EPB41L3: variants seen among roughly 807,000 people sequenced by gnomAD.
The protein encoded by EPB41L3 is erythrocyte membrane protein band 4.1 like 3.
In EPB41L3, 57 loss-of-function variants were observed where a neutral mutation model predicts 127.1. That is an observed-to-expected ratio of 0.45 (90% CI 0.36 to 0.56). The LOEUF is 0.56. Among genes scored for constraint, EPB41L3 ranks in the 20% least tolerant of loss-of-function variants. The probability of loss-of-function intolerance (pLI) is 0.00; values close to 1 mark genes in which losing one functional copy is unlikely to be tolerated. For synonymous variants in EPB41L3, 572 were observed against 549.5 expected (o/e 1.04, Z -0.57); for missense variants, 1,273 against 1,372.2 (o/e 0.93, Z 1.14).
chr18:5,399,227 G>A (rs2074096547), intron 16 of EPB41L3: 2 of 398,804 alleles, frequency 5.0e-6, no homozygotes, highest in Non-Finnish European at 4.4e-6. Flanking sequence ...CCAATTCTTC[G>A]AAGCTTTGCA....
At chr18:5,542,318 T>G (rs1568544951) in intron 1 of EPB41L3, among the ~76,000 whole-genome samples, 1 of 152,094 alleles carries the variant, frequency 6.6e-6, no homozygotes, top group Non-Finnish European at 1.5e-5. Context: ...CATTTTTGTT[T>G]CCTTGAGACT....
At chr18:5,541,692 T>A (rs1232231809) in intron 1 of EPB41L3, among the ~76,000 whole-genome samples, 1 of 152,220 alleles carries the variant, frequency 6.6e-6, no homozygotes, top group Non-Finnish European at 1.5e-5. Context: ...GTCCAAGCAG[T>A]GTACATGAAC....
chr18:5,487,602 G>A (rs1233796960), intron 2 of EPB41L3, among the ~76,000 whole-genome samples: 5 of 149,068 alleles, frequency 3.4e-5, no homozygotes, highest in East Asian at 4.0e-4. Flanking sequence ...AGTGATTCTC[G>A]TGCCTCAGCC....
intron 1 of EPB41L3, among the ~76,000 whole-genome samples, chr18:5,627,191 A>G (rs1003244924): frequency 6.6e-6 from 1 of 152,106 alleles, no homozygotes; most frequent in African/African-American, 2.4e-5. Flanking sequence ...CTTTGCTGAG[A>G]TCCCTTAACT....
rs1273443424 is a variant in EPB41L3 at position 5,543,007 on chromosome 18, G to A, written c.-12+906C>T. Among the ~76,000 whole-genome samples the A allele has an allele frequency of 6.6e-6, 1 of 152,148 alleles. No individual in the cohort carries two copies. Among genetic ancestry groups the A allele is most frequent in the Non-Finnish European group, 1.5e-5 (1 of 68,012 alleles). ...TAGCCTCCCCACCCCCACCGCGGCA[G>A]AGCCGCCTTCGCAGACACCTCCCGA... On this transcript the variant is annotated intron_variant, in intron 1 of 22. Transcript: ENST00000341928. The surrounding 1 kb of genome is among the most constrained non-coding windows in gnomAD (Gnocchi z 5.2).
chr18:5,418,507 G>T (rs1242056849), intron 12 of EPB41L3, among the ~76,000 whole-genome samples: 6 of 152,110 alleles, frequency 3.9e-5, no homozygotes, highest in Admixed American at 1.3e-4. Context: ...TTTTTGGGTG[G>T]ATTATATTCT....
At chr18:5,566,798 CA>C (rs2094212176) in intron 3 of EPB41L3, among the ~76,000 whole-genome samples, 1 of 117,202 alleles carries the variant, frequency 8.5e-6, no homozygotes, top group African/African-American at 3.5e-5. Flanking sequence ...TATTCCATTC[CA>C]TTCCATTCTA....
intron 16 of EPB41L3, chr18:5,401,138 A>G (rs147312194): frequency 1.6e-6 from 1 of 621,102 alleles, no homozygotes; most frequent in Admixed American, 2.5e-5. Context: ...TATTATCTCT[A>G]TCTATCTATC....
At chr18:5,541,179 G>A (rs2093716294) in intron 1 of EPB41L3, among the ~76,000 whole-genome samples, 1 of 144,828 alleles carries the variant, frequency 6.9e-6, no homozygotes, top group South Asian at 2.2e-4. Context: ...CTTGAACCCA[G>A]GAGTCGGAGG....
intron 3 of EPB41L3, chr18:5,570,686 T>C (rs1360699563): frequency 6.6e-6 from 1 of 152,150 alleles, no homozygotes; most frequent in Non-Finnish European, 1.5e-5. Flanking sequence ...ATGTGCCATG[T>C]TGGTGTGCTG....
chr18:5,572,697 C>T (rs1450876132), intron 3 of EPB41L3, among the ~76,000 whole-genome samples: 1 of 152,120 alleles, frequency 6.6e-6, no homozygotes, highest in Non-Finnish European at 1.5e-5. Flanking sequence ...CCTCAGTATC[C>T]CAAGTAGCTG....
intron 14 of EPB41L3, among the ~76,000 whole-genome samples, chr18:5,409,353 C>T (rs939032958): frequency 1.3e-5 from 2 of 152,070 alleles, no homozygotes; most frequent in African/African-American, 2.4e-5. Flanking sequence ...CATTAAGATT[C>T]CAATGAAATT....
intron 1 of EPB41L3, among the ~76,000 whole-genome samples, chr18:5,497,819 T>A (rs1378784421): frequency 6.6e-6 from 1 of 152,232 alleles, no homozygotes; most frequent in African/African-American, 2.4e-5. Context: ...TTAACATGAA[T>A]ATGTTTGGAC....
intron 3 of EPB41L3, among the ~76,000 whole-genome samples, chr18:5,552,007 T>C (rs1236465604): frequency 6.6e-6 from 1 of 152,196 alleles, no homozygotes; most frequent in African/African-American, 2.4e-5. Flanking sequence ...AGCACATACT[T>C]AAATTGAATG....
In EPB41L3 at chr18:5,428,406, G is replaced by A. The variant is rs755696191; in HGVS notation, c.972C>T (p.Arg324=). 1.5e-5 allele frequency: 24 copies of A among 1,614,038 alleles called. No homozygotes were observed. In the Middle Eastern group the frequency reaches 8.2e-4, roughly 55 times the overall value. ...GVCASGLLIY[R]DRLRINRFAW... is the part of the protein sequence containing the mutation. Reference sequence around the variant, plus strand: ...CAAATCTGTTTATTCGCAGCCGGTCGCGATATATCAACAGACCACTTGCAC... The same window carrying A: ...CAAATCTGTTTATTCGCAGCCGGTCACGATATATCAACAGACCACTTGCAC... Residue 324 remains arginine (R), a synonymous_variant, in exon 9 of 23, where the codon CGC becomes CGT. Coordinates refer to ENST00000341928, the MANE Select transcript of EPB41L3 (RefSeq NM_012307.5).
intron 3 of EPB41L3, among the ~76,000 whole-genome samples, chr18:5,599,312 G>C (rs1256944331): frequency 6.6e-6 from 1 of 152,150 alleles, no homozygotes; most frequent in Non-Finnish European, 1.5e-5. Flanking sequence ...CTTCACATCA[G>C]AAAAGCCAAA....
intron 5 of EPB41L3, among the ~76,000 whole-genome samples, chr18:5,440,920 A>C (rs1419351042): frequency 6.6e-6 from 1 of 152,212 alleles, no homozygotes; most frequent in African/African-American, 2.4e-5. Flanking sequence ...TCTGACACCC[A>C]GACTGGAGTG....
chr18:5,522,593 A>G (rs1386217962), intron 1 of EPB41L3, among the ~76,000 whole-genome samples: 1 of 152,246 alleles, frequency 6.6e-6, no homozygotes, highest in African/African-American at 2.4e-5. Context: ...GCTTAAAAAT[A>G]TACAAATACA....
intron 1 of EPB41L3, among the ~76,000 whole-genome samples, chr18:5,502,613 C>A (rs1171120806): frequency 6.6e-6 from 1 of 152,148 alleles, no homozygotes; most frequent in East Asian, 1.9e-4. Flanking sequence ...ATGCATGGAA[C>A]CAGGTCCAGA....
Sources: allele counts gnomAD v4.1 joint callset (sites outside exome capture counted in the v4.1 genomes callset), GRCh38; gene constraint gnomAD v4.1.1; non-coding constraint Gnocchi (gnomAD v3.1); transcripts MANE v1.5; gene names NCBI Gene and HGNC (gene_info 2026-07-23, HGNC 2026-07-21).